The following PKP4 variants were observed in gnomAD, a reference collection of about 807,000 sequenced individuals.
The protein encoded by PKP4 is plakophilin-4.
In PKP4, 90 loss-of-function variants were observed where a neutral mutation model predicts 145.1. The observed-to-expected ratio is 0.62, with a 90% CI of 0.52 to 0.74. The LOEUF (loss-of-function observed/expected upper bound fraction) is 0.74. Ranked by LOEUF, PKP4 falls within the 30% of genes least tolerant of loss-of-function variation. PKP4 has a pLI of 0.00. For missense variants in PKP4, 1,340 were observed against 1,482.7 expected (o/e 0.90, Z 1.58); for synonymous variants, 563 against 577.2 (o/e 0.98, Z 0.35).
At chr2:158,679,865 CAG>C (rs1265637374) in intron 21 of PKP4, among the ~76,000 whole-genome samples, 2 of 152,332 alleles carry the variant, frequency 1.3e-5, no homozygotes, top group South Asian at 4.1e-4. Flanking sequence ...CAACTTACAG[CAG>C]AGTTTCCAAA....
chr2:158,483,904 C>T (rs1045268842), intron 1 of PKP4, among the ~76,000 whole-genome samples: 1 of 152,136 alleles, frequency 6.6e-6, no homozygotes, highest in Admixed American at 6.5e-5. Context: ...CAGCAGAAAC[C>T]ACGGTCAGCT....
intron 3 of PKP4, 119 bp downstream of exon 3, chr2:158,577,502 G>T: frequency 1.6e-6 from 1 of 641,506 alleles, no homozygotes; most frequent in Non-Finnish European, 2.7e-6. Flanking sequence ...TCCAGAATTT[G>T]AAACCAAAAA....
At chr2:158,571,688 A>T (rs1169446184) in intron 2 of PKP4, among the ~76,000 whole-genome samples, 1 of 152,330 alleles carries the variant, frequency 6.6e-6, no homozygotes, top group African/African-American at 2.4e-5. Flanking sequence ...CTGGAATGAG[A>T]CTTCCACAGG....
chr2:158,572,179 A>T (rs1365743240), intron 2 of PKP4, among the ~76,000 whole-genome samples: 1 of 152,204 alleles, frequency 6.6e-6, no homozygotes, highest in East Asian at 1.9e-4. Flanking sequence ...TTGAAAAAAA[A>T]GTTCAGTAGA....
At chr2:158,662,858 G>C (rs548272116) in intron 13 of PKP4, 39 bp from the exon 14 acceptor site, 1 of 1,543,654 alleles carries the variant, frequency 6.5e-7, no homozygotes, top group East Asian at 2.3e-5. Flanking sequence ...GCTCTAATGT[G>C]CCGAGTTGTT....
chr2:158,458,035 G>C (rs906088552), intron 1 of PKP4: 2 of 152,538 alleles, frequency 1.3e-5, no homozygotes, highest in African/African-American at 4.8e-5. Flanking sequence ...GCGGGGCCGG[G>C]ATTTGGCTGC....
chr2:158,470,586 T>A (rs1691411432), intron 1 of PKP4, among the ~76,000 whole-genome samples: 1 of 151,816 alleles, frequency 6.6e-6, no homozygotes, highest in Non-Finnish European at 1.5e-5. Context: ...CATCAGAGAG[T>A]TGAAATATCA....
chr2:158,499,310 A>T (rs528498989), intron 1 of PKP4, among the ~76,000 whole-genome samples: 5 of 152,310 alleles, frequency 3.3e-5, no homozygotes, highest in African/African-American at 1.2e-4. Flanking sequence ...AAGTGGGTTC[A>T]GCATCCCCCC....
chr2:158,619,966 T>C (rs2052042676), intron 4 of PKP4, among the ~76,000 whole-genome samples: 1 of 151,652 alleles, frequency 6.6e-6, no homozygotes, highest in South Asian at 2.1e-4. Flanking sequence ...CCCCTTACCT[T>C]CTCTCATAAC....
intron 4 of PKP4, among the ~76,000 whole-genome samples, chr2:158,612,190 G>C (rs1265568852): frequency 6.6e-6 from 1 of 151,980 alleles, no homozygotes; most frequent in East Asian, 1.9e-4. Context: ...AACTGTGTTT[G>C]TATGTATGTC....
chr2:158,521,276 AC>A (rs1213224587), intron 1 of PKP4, among the ~76,000 whole-genome samples: 2 of 152,162 alleles, frequency 1.3e-5, no homozygotes, highest in Admixed American at 1.3e-4. Flanking sequence ...TTGTGTATTG[AC>A]TACTCATTGC....
chr2:158,543,431 C>T (rs1223604241), intron 2 of PKP4, among the ~76,000 whole-genome samples: 2 of 152,120 alleles, frequency 1.3e-5, no homozygotes, highest in African/African-American at 4.8e-5. Context: ...GTGACAGCAA[C>T]AGCTGATGGT....
intron 1 of PKP4, among the ~76,000 whole-genome samples, chr2:158,460,307 G>A (rs1689572132): frequency 6.6e-6 from 1 of 152,200 alleles, no homozygotes; most frequent in Non-Finnish European, 1.5e-5. Flanking sequence ...ACCAAATTCA[G>A]TTTAATAAAA....
In PKP4 at chr2:158,658,117, A is replaced by G; in HGVS notation, c.1910-14A>G. 6.7e-7 allele frequency: 1 copy of G among 1,481,978 alleles called. No homozygotes were observed. Among genetic ancestry groups the G allele is most frequent in the South Asian group, 1.2e-5 (1 of 84,228 alleles). 91.8% of individuals were successfully genotyped at this position (1,481,978 alleles called of 1,614,324 possible). ...GATCTCTATTTGTTTGATTTTTTAAATCTCCTTTTTTAGGAGTTCTTTGGA... is the reference window on the plus strand; with the variant it reads ...GATCTCTATTTGTTTGATTTTTTAAGTCTCCTTTTTTAGGAGTTCTTTGGA... On this transcript the variant is annotated splice_polypyrimidine_tract_variant and intron_variant, in intron 11 of 21. Coordinates refer to ENST00000389759, the MANE Select transcript of PKP4 (RefSeq NM_003628.6).
At chr2:158,599,652 A>G (rs188675034) in intron 3 of PKP4, among the ~76,000 whole-genome samples, 345 of 152,346 alleles carry the variant, frequency 2.3e-3, no homozygotes, top group Non-Finnish European at 3.9e-3. Context: ...TGCAAACAAT[A>G]GAATCTTCTC....
intron 7 of PKP4, among the ~76,000 whole-genome samples, chr2:158,626,302 G>T (rs1369443612): frequency 6.6e-6 from 1 of 152,146 alleles, no homozygotes; most frequent in Non-Finnish European, 1.5e-5. Flanking sequence ...CTATCATATA[G>T]ATCTTCTATA....
At chr2:158,628,590 A>G (rs890406872) in intron 7 of PKP4, among the ~76,000 whole-genome samples, 1 of 152,190 alleles carries the variant, frequency 6.6e-6, no homozygotes, top group Non-Finnish European at 1.5e-5. Context: ...ACATAATAGT[A>G]ATTCCAATTT....
chr2:158,620,848 C>T, intron 4 of PKP4, 142 bp from the exon 5 acceptor site: 1 of 647,760 alleles, frequency 1.5e-6, no homozygotes, highest in Non-Finnish European at 2.7e-6. Flanking sequence ...AGTTAAGAGT[C>T]AGATGTGCTG....
chr2:158,468,773 T>TTTG (rs1691074648), intron 1 of PKP4, among the ~76,000 whole-genome samples: 1 of 140,772 alleles, frequency 7.1e-6, no homozygotes, highest in Non-Finnish European at 1.6e-5. Flanking sequence ...TCTTCTTCTT[T>TTTG]TTTTTTTTTT....
Sources: gnomAD v4.1 joint callset for allele counts (sites outside exome capture counted in the v4.1 genomes callset) on GRCh38, gnomAD v4.1.1 for gene constraint, MANE v1.5 for transcripts, NCBI Gene and HGNC (gene_info 2026-07-23, HGNC 2026-07-21) for gene names.